MED19: variants seen among roughly 807,000 people sequenced by gnomAD.
MED19 encodes the protein mediator of RNA polymerase II transcription subunit 19.
In MED19, 4 loss-of-function variants were observed where a neutral mutation model predicts 19.9. The ratio of observed to expected loss-of-function variants is 0.20; its 90% CI spans 0.10 to 0.46. The LOEUF is 0.46. MED19 is among the 20% of genes least tolerant of loss of function. The probability of loss-of-function intolerance (pLI) is 0.99; values close to 1 mark genes in which losing one functional copy is unlikely to be tolerated. For missense variants in MED19, 303 were observed against 318.7 expected (o/e 0.95, Z 0.38); for synonymous variants, 139 against 119.6 (o/e 1.16, Z -1.06).
chr11:57,704,885 G>A, intron 2 of MED19, 70 bp from the exon 3 acceptor site: 2 of 1,606,922 alleles, frequency 1.2e-6, no homozygotes, highest in Non-Finnish European at 8.5e-7. Flanking sequence ...CATCCATTCT[G>A]CTCCATTATG....
exon 5 of MED19, chr11:57,703,866 A>G (rs1387105052): frequency 2.0e-6 from 2 of 995,806 alleles, no homozygotes; most frequent in East Asian, 5.5e-5. Context: ...CTACAAAAGC[A>G]TGTCCCTCTC....
intron 1 of MED19, among the ~76,000 whole-genome samples, chr11:57,706,167 C>T (rs1395492460): frequency 3.3e-5 from 5 of 151,958 alleles, no homozygotes; most frequent in Middle Eastern, 3.2e-3. Flanking sequence ...GTTTTTGAGA[C>T]GGGAGTTTTG....
At chr11:57,703,771 AC>A (rs1181285267) in exon 5 of MED19, 2 of 424,074 alleles carry the variant, frequency 4.7e-6, no homozygotes, top group East Asian at 3.6e-5. Flanking sequence ...CCTAAATCAG[AC>A]AAATTGCACA....
chr11:57,704,747 C>G (rs755413585), exon 3 of MED19: 1 of 1,554,964 alleles, frequency 6.4e-7, no homozygotes, highest in Non-Finnish European at 8.7e-7. Context: ...GGGTACGGCT[C>G]TGTTTGTGCT....
At chr11:57,704,521 T>A (rs2135413692) in intron 3 of MED19, 125 bp from the exon 4 acceptor site, 1 of 1,584,634 alleles carries the variant, frequency 6.3e-7, no homozygotes, top group Admixed American at 2.0e-5. Flanking sequence ...CCAGAAAGGA[T>A]ACAGAGGTGC....
intron 1 of MED19, among the ~76,000 whole-genome samples, chr11:57,709,363 A>C (rs1424536450): frequency 6.6e-6 from 1 of 151,692 alleles, no homozygotes; most frequent in Non-Finnish European, 1.5e-5. Context: ...CCTGGGCAAC[A>C]AGAGCAAAAC....
intron 1 of MED19, among the ~76,000 whole-genome samples, chr11:57,707,122 C>T (rs182451308): frequency 2.3e-4 from 35 of 149,898 alleles, no homozygotes; most frequent in Admixed American, 9.4e-4. Flanking sequence ...TGCTTGAACC[C>T]GGGAGGTGGA....
At chr11:57,709,303 C>T (rs1436532169) in intron 1 of MED19, among the ~76,000 whole-genome samples, 2 of 147,112 alleles carry the variant, frequency 1.4e-5, no homozygotes, top group Non-Finnish European at 3.1e-5. Context: ...ATCGCTTGAA[C>T]CTGGGAGGCG....
intron 3 of MED19, 24 bp downstream of exon 3, chr11:57,704,695 G>GTTTTTTTTTTTTTTTTT: frequency 1.4e-6 from 1 of 702,002 alleles, no homozygotes; most frequent in East Asian, 5.1e-5. Context: ...TTTTTTTTTT[G>GTTTTTTTTTTTTTTTTT]CTTTGAATAG....
intron 1 of MED19, among the ~76,000 whole-genome samples, chr11:57,706,454 G>A (rs1039218736): frequency 6.6e-6 from 1 of 152,026 alleles, no homozygotes; most frequent in Non-Finnish European, 1.5e-5. Context: ...CACGCATCCA[G>A]GAAGAAATGT....
exon 4 of MED19, chr11:57,704,393 G>T: frequency 6.5e-7 from 1 of 1,537,944 alleles, no homozygotes; most frequent in Non-Finnish European, 8.7e-7. Context: ...ATCAGATGGT[G>T]TTTCTGTAGG....
chr11:57,706,573 C>T (rs959459369), intron 1 of MED19, among the ~76,000 whole-genome samples: 1 of 151,848 alleles, frequency 6.6e-6, no homozygotes, highest in African/African-American at 2.4e-5. Flanking sequence ...GAGTTCAAGA[C>T]CAGCCTGGCC....
At chr11:57,709,600 C>A (rs1040912940) in intron 1 of MED19, among the ~76,000 whole-genome samples, 1 of 152,144 alleles carries the variant, frequency 6.6e-6, no homozygotes, top group Non-Finnish European at 1.5e-5. Flanking sequence ...CTCTATCATC[C>A]AAGCTGGAGT....
chr11:57,706,645 A>G (rs1659183881), intron 1 of MED19, among the ~76,000 whole-genome samples: 1 of 151,482 alleles, frequency 6.6e-6, no homozygotes, highest in African/African-American at 2.4e-5. Context: ...AGTGGCACAC[A>G]CCTGTAATCC....
exon 2 of MED19, chr11:57,705,032 T>C (rs1946491980): frequency 2.5e-6 from 4 of 1,614,068 alleles, no homozygotes; most frequent in Non-Finnish European, 3.4e-6. Context: ...TTGAAAGAGC[T>C]ACTGAGAATA....
At chr11:57,705,080 C>A in exon 2 of MED19, 1 of 1,614,164 alleles carries the variant, frequency 6.2e-7, no homozygotes, top group Non-Finnish European at 8.5e-7. Context: ...CTGCTGTTAT[C>A]ATGGGAACCA....
exon 2 of MED19, chr11:57,705,166 T>C: frequency 6.2e-7 from 1 of 1,614,148 alleles, no homozygotes; most frequent in Non-Finnish European, 8.5e-7. Context: ...ACAGAATTTA[T>C]TATAGGCTTG....
chr11:57,705,251 TA>T, intron 1 of MED19, 22 bp from the exon 2 acceptor site: 1 of 1,607,816 alleles, frequency 6.2e-7, no homozygotes. Flanking sequence ...AGAATAAAAA[TA>T]AAAAAGATCA....
At chr11:57,704,673 T>A (rs1345031315) in intron 3 of MED19, 46 bp downstream of exon 3, 5 of 1,150,554 alleles carry the variant, frequency 4.3e-6, no homozygotes, top group Non-Finnish European at 5.9e-6. Flanking sequence ...GGTCAGGTTT[T>A]TTTTTTTTTT....
Sources: allele counts gnomAD v4.1 joint callset (sites outside exome capture counted in the v4.1 genomes callset), GRCh38; gene constraint gnomAD v4.1.1; transcripts MANE v1.5; gene names NCBI Gene and HGNC (gene_info 2026-07-23, HGNC 2026-07-21).